PTK2: variants seen among roughly 807,000 people sequenced by gnomAD.
The protein encoded by PTK2 is protein tyrosine kinase 2.
In PTK2, 45 loss-of-function variants were observed where a neutral mutation model predicts 150.1. The ratio of observed to expected loss-of-function variants is 0.30; its 90% CI spans 0.24 to 0.38. PTK2 has a LOEUF of 0.38. Ranked by LOEUF, PTK2 falls within the 10% of genes least tolerant of loss-of-function variation. PTK2 has a pLI of 1.00. For synonymous variants in PTK2, 432 were observed against 449.2 expected, an observed-to-expected ratio of 0.96 and a Z score of 0.48; for missense variants, 919 against 1,307.3, an observed-to-expected ratio of 0.70 and a Z score of 4.58.
At chr8:140,779,892 C>T (rs574364055) in intron 14 of PTK2, among the ~76,000 whole-genome samples, 2 of 152,186 alleles carry the variant, frequency 1.3e-5, no homozygotes, top group South Asian at 2.1e-4. Context: ...TGAACACTAC[C>T]GAACTCTGTG....
At chr8:140,698,446 A>G (rs530239342) in intron 26 of PTK2, among the ~76,000 whole-genome samples, 45 of 152,250 alleles carry the variant, frequency 3.0e-4, no homozygotes, top group Non-Finnish European at 5.4e-4. Context: ...GTGGTAGTAA[A>G]TAATAACATA....
chr8:140,853,440 G>A (rs1388919810), intron 5 of PTK2, among the ~76,000 whole-genome samples: 2 of 148,238 alleles, frequency 1.3e-5, no homozygotes, highest in Non-Finnish European at 3.0e-5. Flanking sequence ...AACATGTGGT[G>A]TTTGGTTTTC....
chr8:140,861,789 G>A (rs1354593144), intron 5 of PTK2, among the ~76,000 whole-genome samples: 5 of 152,154 alleles, frequency 3.3e-5, no homozygotes, highest in East Asian at 1.9e-4. Context: ...ACAAGCACAC[G>A]ACTGTATTCA....
intron 4 of PTK2, among the ~76,000 whole-genome samples, chr8:140,872,490 C>G (rs114441800): frequency 6.6e-6 from 1 of 152,240 alleles, no homozygotes; most frequent in South Asian, 2.1e-4. Context: ...ACCTACTTAA[C>G]TGGGCTCTCC....
intron 1 of PTK2, among the ~76,000 whole-genome samples, chr8:140,999,198 C>T (rs1305946799): frequency 2.6e-5 from 4 of 152,170 alleles, no homozygotes; most frequent in Non-Finnish European, 5.9e-5. Context: ...CAATGACTTG[C>T]TTCTTGATGC....
At chr8:140,802,959 T>C (rs2100096011) in intron 11 of PTK2, among the ~76,000 whole-genome samples, 1 of 150,804 alleles carries the variant, frequency 6.6e-6, no homozygotes, top group South Asian at 2.1e-4. Flanking sequence ...AACATGACTG[T>C]ACATATAATT....
intron 1 of PTK2, among the ~76,000 whole-genome samples, chr8:140,987,821 T>C (rs750353988): frequency 4.6e-5 from 7 of 152,112 alleles, no homozygotes; most frequent in Non-Finnish European, 1.0e-4. Context: ...GACTGGAGGA[T>C]TGCTTGAGCA....
intron 27 of PTK2, among the ~76,000 whole-genome samples, chr8:140,681,680 G>A (rs1329064303): frequency 6.6e-6 from 1 of 152,104 alleles, no homozygotes; most frequent in Non-Finnish European, 1.5e-5. Flanking sequence ...GGGAGGCTGA[G>A]GCAGGAGAAT....
chr8:140,797,611 C>G (rs572464498), intron 12 of PTK2, among the ~76,000 whole-genome samples: 1 of 152,116 alleles, frequency 6.6e-6, no homozygotes, highest in Non-Finnish European at 1.5e-5. Context: ...CTATATTACA[C>G]TATACACTTT....
intron 1 of PTK2, among the ~76,000 whole-genome samples, chr8:140,964,795 C>T (rs1307020997): frequency 2.0e-5 from 3 of 152,210 alleles, no homozygotes; most frequent in Non-Finnish European, 4.4e-5. Flanking sequence ...TATTCATGTA[C>T]AGAGATCTGC....
intron 12 of PTK2, among the ~76,000 whole-genome samples, chr8:140,794,498 C>A (rs1465320054): frequency 3.3e-5 from 5 of 152,142 alleles, no homozygotes; most frequent in Admixed American, 1.3e-4. Flanking sequence ...AGTTCCCCCC[C>A]ACCCCCATAC....
chr8:140,735,562 A>G, intron 21 of PTK2, 107 bp from the exon 25 acceptor site: 3 of 994,578 alleles, frequency 3.0e-6, no homozygotes, highest in Non-Finnish European at 4.7e-6. Flanking sequence ...GCTGGGAGGT[A>G]ATGGGCAAAT....
chr8:140,962,210 C>T (rs2100183442), intron 1 of PTK2, among the ~76,000 whole-genome samples: 1 of 107,274 alleles, frequency 9.3e-6, no homozygotes, highest in African/African-American at 3.4e-5. Context: ...AAGACTCTGT[C>T]TCAAAATTTA....
chr8:140,919,627 A>G (rs774548043), intron 2 of PTK2, among the ~76,000 whole-genome samples: 1 of 152,152 alleles, frequency 6.6e-6, no homozygotes, highest in Non-Finnish European at 1.5e-5. Context: ...AAAATTTTCA[A>G]GAAGTATAGA....
At chr8:140,869,945 T>TAC (rs397741879) in intron 4 of PTK2, among the ~76,000 whole-genome samples, 1 of 151,528 alleles carries the variant, frequency 6.6e-6, no homozygotes, top group Non-Finnish European at 1.5e-5. Context: ...AAAACATATA[T>TAC]GTGTATAATA....
intron 7 of PTK2, among the ~76,000 whole-genome samples, chr8:140,834,876 A>T (rs2100117766): frequency 6.6e-6 from 1 of 152,236 alleles, no homozygotes; most frequent in African/African-American, 2.4e-5. Flanking sequence ...GCTAAACCTC[A>T]GAATCCCATT....
At chr8:140,668,655 A>G (rs375853118) in intron 29 of PTK2, 1 of 445,430 alleles carries the variant, frequency 2.2e-6, no homozygotes, top group East Asian at 4.0e-5. Flanking sequence ...AAAGGAAATG[A>G]GATGGAATCA....
At chr8:140,741,486 A>T (rs2100055637) in intron 20 of PTK2, among the ~76,000 whole-genome samples, 1 of 151,780 alleles carries the variant, frequency 6.6e-6, no homozygotes, top group East Asian at 1.9e-4. Flanking sequence ...AATAAAAATT[A>T]AAAATGAATT....
intron 2 of PTK2, among the ~76,000 whole-genome samples, chr8:140,903,501 C>T (rs1461903358): frequency 7.2e-5 from 11 of 151,996 alleles, no homozygotes; most frequent in Admixed American, 5.2e-4. Flanking sequence ...TTTTTGGTTC[C>T]GTATGAAATT....
Sources: gnomAD v4.1 joint callset for allele counts (sites outside exome capture counted in the v4.1 genomes callset) on GRCh38, gnomAD v4.1.1 for gene constraint, MANE v1.5 for transcripts, NCBI Gene and HGNC (gene_info 2026-07-23, HGNC 2026-07-21) for gene names.